The following COPB1 variants were observed in gnomAD, a reference collection of about 807,000 sequenced individuals.
The protein encoded by COPB1 is coat protein complex I subunit beta 1, also known as coatomer subunit beta.
COPB1 carries 21 observed loss-of-function variants against 108.7 expected under a neutral mutation model. The ratio of observed to expected loss-of-function variants is 0.19; its 90% confidence interval spans 0.14 to 0.28. The LOEUF (loss-of-function observed/expected upper bound fraction) is 0.28. Among genes scored for constraint, COPB1 ranks in the 10% least tolerant of loss-of-function variants. The pLI, the probability that COPB1 is intolerant of heterozygous loss-of-function variation, is 1.00. For synonymous variants in COPB1, 378 were observed against 386.8 expected (o/e 0.98, Z 0.27); for missense variants, 919 against 1,141.3 (o/e 0.81, Z 2.81).
chr11:14,492,265 T>C (rs1305883375), intron 4 of COPB1, among the ~76,000 whole-genome samples: 13 of 152,046 alleles, frequency 8.6e-5, no homozygotes, highest in Admixed American at 7.9e-4. Context: ...ATGTGCACTA[T>C]AGTTTAAATT....
intron 19 of COPB1, 88 bp downstream of exon 19, chr11:14,461,098 A>G (rs1253668788): frequency 6.6e-7 from 1 of 1,517,016 alleles, no homozygotes. Flanking sequence ...AACACTTTTT[A>G]GCGAGATTAA....
chr11:14,481,106 G>A lies in COPB1; in HGVS notation c.958-9C>T. On this transcript the variant is annotated splice_polypyrimidine_tract_variant and intron_variant, in intron 8 of 21. Transcript: ENST00000439561. ...ATATCCATAACCAGATCCTAAAAAA[G>A]AAGAAAAAATCAAGAATTAACACCA... 6.3e-7 allele frequency: 1 copy of A among 1,593,748 alleles called. No individual in the cohort carries two copies. The highest frequency in any genetic ancestry group is 8.5e-7 in the Non-Finnish European group (1 of 1,171,330).
chr11:14,460,881 T>C (rs770090995), intron 19 of COPB1, among the ~76,000 whole-genome samples: 2 of 152,120 alleles, frequency 1.3e-5, no homozygotes, highest in Non-Finnish European at 2.9e-5. Context: ...TTGTAAAGCC[T>C]TTTTCGGGCA....
intron 4 of COPB1, among the ~76,000 whole-genome samples, chr11:14,492,230 G>A (rs1010413886): frequency 6.6e-6 from 1 of 151,930 alleles, no homozygotes; most frequent in Non-Finnish European, 1.5e-5. Context: ...ATTTCCAATT[G>A]TCCTATAAAT....
chr11:14,474,739 T>C (rs1485001923), intron 13 of COPB1, 124 bp from the exon 14 acceptor site: 4 of 1,334,302 alleles, frequency 3.0e-6, no homozygotes, highest in Non-Finnish European at 3.0e-6. Flanking sequence ...AAGGATACCT[T>C]AGCTAACTAA....
At chr11:14,464,210 G>A (rs1187323593) in intron 18 of COPB1, among the ~76,000 whole-genome samples, 1 of 151,970 alleles carries the variant, frequency 6.6e-6, no homozygotes, top group Non-Finnish European at 1.5e-5. Context: ...GTCTTCTACT[G>A]AGCACTTGCT....
At chr11:14,460,397 G>T in intron 19 of COPB1, 100 bp from the exon 20 acceptor site, 1 of 704,110 alleles carries the variant, frequency 1.4e-6, no homozygotes, top group Non-Finnish European at 2.4e-6. Flanking sequence ...CAACTGTTTA[G>T]GTTGGAAAGA....
At position 14,498,841 on chromosome 11, in the gene COPB1, G is replaced by T; in HGVS notation, c.88C>A (p.Leu30Ile). 1.3e-6 allele frequency: 2 copies of T among 1,593,610 alleles called. No individual in the cohort carries two copies. Among genetic ancestry groups the T allele is most frequent in the East Asian group, 2.2e-5 (1 of 44,606 alleles). The change falls in exon 2 of 22, where the codon CTA (leucine) becomes ATA (isoleucine). Residue 30 changes from leucine to isoleucine, a missense_variant. Coordinates refer to ENST00000439561, the MANE Select transcript of COPB1 (RefSeq NM_001144061.2). ...TCAAAATAATATCGAAGTTTACCTA[G>T]ATCATTTTTTAAGCTAATTTCAGAT... ...PPSEISLKNDLEKGDVKSKTE... is the reference protein window; with the variant it reads ...PPSEISLKNDIEKGDVKSKTE...
intron 10 of COPB1, among the ~76,000 whole-genome samples, chr11:14,480,465 CTGAA>C (rs1565019227): frequency 6.6e-6 from 1 of 152,124 alleles, no homozygotes; most frequent in Non-Finnish European, 1.5e-5. Context: ...ATTTGCCTTA[CTGAA>C]TAATATATAT....
intron 14 of COPB1, among the ~76,000 whole-genome samples, chr11:14,471,795 G>A (rs1451624090): frequency 5.9e-5 from 9 of 152,086 alleles, no homozygotes; most frequent in Non-Finnish European, 7.4e-5. Flanking sequence ...GGTGGCAGGC[G>A]CCTGTAGCCC....
Position 14,483,221 on chromosome 11 carries a change from G to A in COPB1, c.838-70C>T, listed in dbSNP as rs555273029. On this transcript the variant is annotated intron_variant, in intron 7 of 21. Transcript: ENST00000439561. ...ATAAAATTTGAAAATAAGCATGCGC[G>A]CGCACACCACACACACACACACACA... is the stretch of plus-strand genomic sequence containing the variant. 286 of 1,002,142 alleles carry A rather than the reference G, an allele frequency of 2.9e-4. 2 individuals are homozygous for A. In the African/African-American group the frequency reaches 3.6e-3, roughly 13 times the overall value. The allele number at this position is 1,002,142 out of a possible 1,614,324, so 62.1% of individuals were successfully genotyped here.
chr11:14,458,521 G>A lies in COPB1; in HGVS notation c.2802+11C>T. ...GTCCAGAGATACTCTCAAAAAAAAA[G>A]GAACTGTTACCTGGCTCTTTGCACG... On this transcript the variant is annotated intron_variant, in intron 21 of 21. Coordinates refer to ENST00000439561, the MANE Select transcript of COPB1 (RefSeq NM_001144061.2). The A allele has an allele frequency of 1.3e-6, 2 of 1,594,916 alleles. No individual in the cohort carries two copies. The highest frequency in any genetic ancestry group is 1.7e-6 in the Non-Finnish European group (2 of 1,173,682).
At chr11:14,484,372 A>C (rs1482295323) in intron 7 of COPB1, among the ~76,000 whole-genome samples, 1 of 152,228 alleles carries the variant, frequency 6.6e-6, no homozygotes, top group African/African-American at 2.4e-5. Flanking sequence ...TTTGACAATT[A>C]TATGATTATA....
intron 20 of COPB1, among the ~76,000 whole-genome samples, chr11:14,459,198 C>A (rs1850090138): frequency 6.6e-6 from 1 of 152,102 alleles, no homozygotes; most frequent in Admixed American, 6.6e-5. Context: ...CTCAATAAAT[C>A]TGATGTTAAA....
intron 1 of COPB1, among the ~76,000 whole-genome samples, chr11:14,499,206 T>C (rs1256167983): frequency 6.6e-6 from 1 of 152,136 alleles, no homozygotes; most frequent in Non-Finnish European, 1.5e-5. Context: ...GAATGCTGTA[T>C]AGCCGAATGA....
intron 13 of COPB1, 126 bp from the exon 14 acceptor site, chr11:14,474,741 GCTAA>G: frequency 3.0e-6 from 4 of 1,314,646 alleles, no homozygotes; most frequent in East Asian, 2.4e-5. Context: ...GGATACCTTA[GCTAA>G]CTAACTCCTT....
At chr11:14,477,632 C>T (rs546051804) in intron 11 of COPB1, among the ~76,000 whole-genome samples, 6 of 152,128 alleles carry the variant, frequency 3.9e-5, no homozygotes, top group East Asian at 1.9e-4. Flanking sequence ...CAGTGGCTCA[C>T]GCCTGTAATC....
intron 13 of COPB1, among the ~76,000 whole-genome samples, chr11:14,475,169 C>G (rs1457734897): frequency 7.1e-6 from 1 of 141,798 alleles, no homozygotes; most frequent in African/African-American, 2.6e-5. Flanking sequence ...TGGAAAGATA[C>G]AATATTTAAT....
chr11:14,463,123 A>C (rs1336323755), intron 18 of COPB1, among the ~76,000 whole-genome samples: 1 of 152,160 alleles, frequency 6.6e-6, no homozygotes, highest in Non-Finnish European at 1.5e-5. Context: ...ATACTTTCTG[A>C]AGGTTTTTCC....
Sources: gnomAD v4.1 joint callset for allele counts (sites outside exome capture counted in the v4.1 genomes callset) on GRCh38, gnomAD v4.1.1 for gene constraint, MANE v1.5 for transcripts, NCBI Gene and HGNC (gene_info 2026-07-23, HGNC 2026-07-21) for gene names.